The following SCAPER variants were observed in gnomAD, a reference collection of about 807,000 sequenced individuals.
SCAPER encodes the protein S-phase cyclin A associated protein in the ER.
A neutral mutation model predicts 182.2 loss-of-function variants in SCAPER; 98 were observed. The observed-to-expected ratio is 0.54, with a 90% CI of 0.46 to 0.64. The LOEUF is 0.64. SCAPER is among the 30% of genes least tolerant of loss of function. The pLI, the probability that SCAPER is intolerant of heterozygous loss-of-function variation, is 0.00. For synonymous variants in SCAPER, 605 were observed against 564.6 expected, an observed-to-expected ratio of 1.07 and a Z score of -1.01; for missense variants, 1,432 against 1,690.0, an observed-to-expected ratio of 0.85 and a Z score of 2.68.
chr15:76,507,927 T>C (rs1281185095), intron 23 of SCAPER, among the ~76,000 whole-genome samples: 1 of 152,222 alleles, frequency 6.6e-6, no homozygotes, highest in African/African-American at 2.4e-5. Flanking sequence ...ATAAGCTCTG[T>C]ATTATCATAT....
intron 25 of SCAPER, among the ~76,000 whole-genome samples, chr15:76,470,591 G>A (rs2050070740): frequency 6.6e-6 from 1 of 152,144 alleles, no homozygotes; most frequent in South Asian, 2.1e-4. Context: ...CAGGGGCTTA[G>A]AAACTTCACC....
intron 21 of SCAPER, among the ~76,000 whole-genome samples, chr15:76,639,641 T>C (rs2053937590): frequency 6.6e-6 from 1 of 152,128 alleles, no homozygotes. Context: ...AATTCAAAGA[T>C]GGGATAGTAA....
intron 23 of SCAPER, among the ~76,000 whole-genome samples, chr15:76,545,380 TAAG>T (rs1339347055): frequency 1.3e-5 from 2 of 152,166 alleles, no homozygotes; most frequent in Non-Finnish European, 2.9e-5. Context: ...TGGTTCATTT[TAAG>T]AAGAATACTT....
rs560638113 is a variant in SCAPER at position 76,593,304 on chromosome 15, A to C, written c.2712-19020T>G. Among the ~76,000 whole-genome samples, 23 of 121,582 alleles carry C rather than the reference A, an allele frequency of 1.9e-4. 4 individuals carry two copies. The South Asian group carries it at 5.7e-3, about 30-fold the overall frequency. The allele number at this position is 121,582 out of a possible 152,430, so 79.8% of individuals were successfully genotyped here. A position where few individuals can be genotyped will look rare whatever the true frequency, so the allele number is the denominator to read the frequency against. ...TCTCTGGCCAGGGCATATCTGAAAG[A>C]AAGGCAGCAGCCCCAGTCAGGGGCT... On this transcript the variant is annotated intron_variant, in intron 22 of 31. Coordinates refer to ENST00000563290, the MANE Select transcript of SCAPER (RefSeq NM_020843.4).
At chr15:76,821,101 G>A (rs555412586) in intron 5 of SCAPER, among the ~76,000 whole-genome samples, 13 of 152,328 alleles carry the variant, frequency 8.5e-5, no homozygotes, top group African/African-American at 2.6e-4. Flanking sequence ...CTCTTACCAT[G>A]TGATCCAGCA....
intron 4 of SCAPER, among the ~76,000 whole-genome samples, chr15:76,851,700 GAA>G (rs1291126452): frequency 2.6e-5 from 4 of 152,112 alleles, no homozygotes; most frequent in African/African-American, 9.7e-5. Context: ...ACAAAATATA[GAA>G]AGGAAGAACT....
intron 30 of SCAPER, among the ~76,000 whole-genome samples, chr15:76,351,539 A>C (rs1463688185): frequency 6.6e-6 from 1 of 152,238 alleles, no homozygotes; most frequent in Admixed American, 6.5e-5. Context: ...TTTATCTAAT[A>C]AAACTAAAAT....
In SCAPER at chr15:76,495,991, GAGACACACACACACACACACACACAC is replaced by G. The variant is rs1308988299; in HGVS notation, c.2954+8842_2954+8867del. ...AGAAAGAGAAAGAAAGCAAAAGAGA[GAGACACACACACACACACACACACAC>G]ACACACACACACACACACACACAGA... On this transcript the variant is annotated intron_variant, in intron 24 of 31. Transcript: ENST00000563290. Among the ~76,000 whole-genome samples the G allele has an allele frequency of 4.0e-5, 4 of 100,974 alleles. No homozygotes were observed. The South Asian group carries it at 1.3e-3, about 32-fold the overall frequency. 66.2% of individuals were successfully genotyped at this position (100,974 alleles called of 152,430 possible).
At chr15:76,616,969 A>T (rs935305382) in intron 22 of SCAPER, among the ~76,000 whole-genome samples, 5 of 152,140 alleles carry the variant, frequency 3.3e-5, no homozygotes, top group Non-Finnish European at 7.4e-5. Context: ...GGCACTTTTA[A>T]CTTCCTTTTC....
At chr15:76,865,896 C>T (rs16968557) in intron 2 of SCAPER, among the ~76,000 whole-genome samples, 10,188 of 152,184 alleles carry the variant, frequency 0.067, 382 homozygotes, top group Middle Eastern at 0.11. Flanking sequence ...TTACCTGACT[C>T]ATTAAGGTCT....
Position 76,833,806 on chromosome 15 carries a change from T to A in SCAPER, c.393+7928A>T, listed in dbSNP as rs941876635. Among the ~76,000 whole-genome samples, 4 of 152,298 alleles carry A rather than the reference T, an allele frequency of 2.6e-5. No homozygotes were observed. In the South Asian group the frequency reaches 8.3e-4, roughly 32 times the overall value. On this transcript the variant is annotated intron_variant, in intron 5 of 31. Transcript: ENST00000563290. ...TAAAGGGTTCAATTCAACAAGAAGA[T>A]TTAACTGTCTTAAACATATATGTAC...
intron 20 of SCAPER, among the ~76,000 whole-genome samples, chr15:76,682,197 G>A (rs1004010865): frequency 7.9e-5 from 12 of 152,062 alleles, no homozygotes; most frequent in Non-Finnish European, 1.3e-4. Flanking sequence ...TTGCCAGCAT[G>A]CAGAAGCCCA....
intron 2 of SCAPER, among the ~76,000 whole-genome samples, chr15:76,875,327 T>C (rs1340673041): frequency 1.3e-5 from 2 of 152,150 alleles, no homozygotes; most frequent in Non-Finnish European, 2.9e-5. Flanking sequence ...GTGAAAATCA[T>C]ATATATGTAT....
intron 22 of SCAPER, among the ~76,000 whole-genome samples, chr15:76,604,817 GCTCT>G (rs1446638677): frequency 1.3e-5 from 2 of 150,572 alleles, no homozygotes; most frequent in African/African-American, 2.4e-5. Context: ...TCATGATTTG[GCTCT>G]CTGTTTGTCT....
chr15:76,750,167 T>C (rs60658665), intron 15 of SCAPER, among the ~76,000 whole-genome samples: 57,746 of 148,086 alleles, frequency 0.39, 12,994 homozygotes, highest in Middle Eastern at 0.53. Flanking sequence ...GAACAGTACA[T>C]ATCCATATGA....
chr15:76,756,237 C>T (rs1337186522), intron 14 of SCAPER, among the ~76,000 whole-genome samples: 3 of 89,076 alleles, frequency 3.4e-5, no homozygotes, highest in Admixed American at 3.2e-4. Context: ...GAGCCAGACT[C>T]CGTCTCAAAA....
intron 5 of SCAPER, among the ~76,000 whole-genome samples, chr15:76,832,036 T>A (rs915141039): frequency 6.6e-6 from 1 of 152,190 alleles, no homozygotes; most frequent in Non-Finnish European, 1.5e-5. Context: ...CACACACAGA[T>A]GAGAAAGAGC....
chr15:76,615,637 G>A (rs906534359), intron 22 of SCAPER, among the ~76,000 whole-genome samples: 1 of 150,906 alleles, frequency 6.6e-6, no homozygotes, highest in African/African-American at 2.4e-5. Context: ...TGGCTAACAT[G>A]GTGAAACCCC....
intron 21 of SCAPER, among the ~76,000 whole-genome samples, chr15:76,662,927 A>G (rs2056306791): frequency 6.6e-6 from 1 of 152,124 alleles, no homozygotes; most frequent in Non-Finnish European, 1.5e-5. Context: ...ACACCCAGAA[A>G]GCACTAGACA....
Sources: allele counts gnomAD v4.1 joint callset (sites outside exome capture counted in the v4.1 genomes callset), GRCh38; gene constraint gnomAD v4.1.1; transcripts MANE v1.5; gene names NCBI Gene and HGNC (gene_info 2026-07-23, HGNC 2026-07-21).